The following CTNNA3 variants were observed in gnomAD, a reference collection of about 807,000 sequenced individuals.
CTNNA3 encodes catenin alpha 3, also known as catenin alpha-3.
A neutral mutation model predicts 95.7 loss-of-function variants in CTNNA3; 76 were observed. That is an observed-to-expected ratio of 0.79 (90% CI 0.66 to 0.96). The LOEUF is 0.96. CTNNA3 is among the 40% of genes least tolerant of loss of function. The pLI is 0.00. For missense variants in CTNNA3, 1,191 were observed against 1,089.8 expected (o/e 1.09, Z -1.31); for synonymous variants, 431 against 374.4 (o/e 1.15, Z -1.74).
chr10:67,750,679 G>C (rs765943242), intron 1 of CTNNA3: 59 of 1,548,268 alleles, frequency 3.8e-5, no homozygotes, highest in Non-Finnish European at 4.8e-5. Context: ...TAATATGATC[G>C]GTGGAAAAGC....
At chr10:67,280,809 T>A (rs1454479235) in intron 5 of CTNNA3, among the ~76,000 whole-genome samples, 3 of 152,138 alleles carry the variant, frequency 2.0e-5, no homozygotes, top group Non-Finnish European at 4.4e-5. Flanking sequence ...TTTCCTCCAT[T>A]TCCCTCCCCC....
chr10:67,033,374 C>T (rs765196122), intron 7 of CTNNA3, among the ~76,000 whole-genome samples: 1 of 152,096 alleles, frequency 6.6e-6, no homozygotes, highest in Non-Finnish European at 1.5e-5. Flanking sequence ...ACACAAATCT[C>T]GATGCTTCTC....
At chr10:67,091,955 T>G (rs1311770010) in intron 7 of CTNNA3, among the ~76,000 whole-genome samples, 1 of 152,070 alleles carries the variant, frequency 6.6e-6, no homozygotes, top group Non-Finnish European at 1.5e-5. Flanking sequence ...AATGCCTATT[T>G]CTTATTTTAT....
rs148278459 is a variant in CTNNA3 at position 66,481,461 on chromosome 10, C to CTT, written c.1531+39154_1531+39155dup. On this transcript the variant is annotated intron_variant, in intron 11 of 17. Coordinates refer to ENST00000433211, the MANE Select transcript of CTNNA3 (RefSeq NM_013266.4). ...AAGCAAAAACCTTATTCCCTTGTTT[C>CTT]TTTTTTTTTTTTTTTTTTTTTTTTT... is the stretch of plus-strand genomic sequence containing the variant. 4.6e-4 allele frequency among the ~76,000 whole-genome samples: 34 copies of CTT among 73,240 alleles called. 1 individual carries two copies. The highest frequency in any genetic ancestry group is 7.3e-4 in the Admixed American group (4 of 5,470). 48.0% of individuals were successfully genotyped at this position (73,240 alleles called of 152,430 possible).
chr10:66,978,098 T>C (rs778385806), intron 7 of CTNNA3, among the ~76,000 whole-genome samples: 1 of 151,540 alleles, frequency 6.6e-6, no homozygotes, highest in African/African-American at 2.4e-5. Flanking sequence ...ACACATGCGA[T>C]GACGTTCCTG....
intron 7 of CTNNA3, among the ~76,000 whole-genome samples, chr10:66,784,770 T>C (rs1840674727): frequency 6.6e-6 from 1 of 152,160 alleles, no homozygotes; most frequent in Admixed American, 6.6e-5. Context: ...TCAAAACATG[T>C]GGAGATTAGG....
At chr10:66,067,454 T>G (rs148333932) in intron 15 of CTNNA3, among the ~76,000 whole-genome samples, 61 of 152,320 alleles carry the variant, frequency 4.0e-4, no homozygotes, top group African/African-American at 1.4e-3. Context: ...TGTCCATACT[T>G]TATTGAACTT....
At chr10:65,966,300 C>T (rs1364361596) in intron 17 of CTNNA3, among the ~76,000 whole-genome samples, 4 of 152,156 alleles carry the variant, frequency 2.6e-5, no homozygotes, top group East Asian at 1.9e-4. Context: ...GGATTCATTC[C>T]GGAGTTCCAT....
intron 5 of CTNNA3, among the ~76,000 whole-genome samples, chr10:67,467,583 T>C (rs1432449011): frequency 6.6e-6 from 1 of 152,214 alleles, no homozygotes; most frequent in Non-Finnish European, 1.5e-5. Flanking sequence ...TCATTCTAAA[T>C]ACTCATTTAA....
intron 12 of CTNNA3, among the ~76,000 whole-genome samples, chr10:66,356,038 A>T (rs2092606207): frequency 6.7e-6 from 1 of 149,976 alleles, no homozygotes; most frequent in South Asian, 2.1e-4. Context: ...CTCTTTTGCA[A>T]ATATCACTCT....
chr10:66,344,989 T>C (rs2092492792), intron 12 of CTNNA3, among the ~76,000 whole-genome samples: 1 of 152,138 alleles, frequency 6.6e-6, no homozygotes, highest in East Asian at 1.9e-4. Flanking sequence ...TAAGGAAACA[T>C]ATTAAAAAGC....
chr10:66,078,991 C>A (rs928513887), intron 14 of CTNNA3: 1 of 151,834 alleles, frequency 6.6e-6, no homozygotes, highest in South Asian at 2.1e-4. Context: ...TGGAAGTAGA[C>A]AGAAGGTGTA....
At chr10:66,852,985 C>A (rs1843549663) in intron 7 of CTNNA3, among the ~76,000 whole-genome samples, 2 of 152,136 alleles carry the variant, frequency 1.3e-5, no homozygotes, top group South Asian at 4.1e-4. Flanking sequence ...AGAGGTCAGC[C>A]AATTATGTTT....
rs1019554417 is a variant in CTNNA3 at position 66,797,258 on chromosome 10, A to G, written c.1048-21734T>C. Among the ~76,000 whole-genome samples the G allele has an allele frequency of 1.1e-4, 16 of 151,974 alleles. 1 individual carries two copies. The highest frequency in any genetic ancestry group is 3.6e-4 in the African/African-American group (15 of 41,418). ...TCTGGAAAATAATTTAAATACATCA[A>G]CTAACACTTGCATGGTGCAAAATAC... is the stretch of plus-strand genomic sequence containing the variant. On this transcript the variant is annotated intron_variant, in intron 7 of 17. Transcript: ENST00000433211.
At chr10:66,082,489 G>A (rs180860977) in intron 14 of CTNNA3, among the ~76,000 whole-genome samples, 1 of 152,222 alleles carries the variant, frequency 6.6e-6, no homozygotes, top group East Asian at 1.9e-4. Flanking sequence ...ACTAGGAGAT[G>A]TAACAACTAA....
chr10:67,382,798 G>T (rs1371895291), intron 5 of CTNNA3, among the ~76,000 whole-genome samples: 2 of 152,172 alleles, frequency 1.3e-5, no homozygotes, highest in Non-Finnish European at 2.9e-5. Context: ...GGTAAAGGGG[G>T]AGCCAGCATA....
At chr10:67,253,168 T>A (rs1174790071) in intron 5 of CTNNA3, among the ~76,000 whole-genome samples, 1 of 152,146 alleles carries the variant, frequency 6.6e-6, no homozygotes, top group African/African-American at 2.4e-5. Flanking sequence ...AATGCTGCAA[T>A]ACTGTGATAG....
intron 7 of CTNNA3, among the ~76,000 whole-genome samples, chr10:67,121,891 A>AC (rs890002673): frequency 7.9e-5 from 12 of 151,044 alleles, no homozygotes; most frequent in African/African-American, 2.2e-4. Context: ...AGAGGTAAAA[A>AC]ATCTGAATTT....
chr10:66,725,662 A>G (rs3998956), intron 9 of CTNNA3, among the ~76,000 whole-genome samples: 138,449 of 152,118 alleles, frequency 0.91, 63,203 homozygotes, highest in East Asian at 1. Context: ...GTTGTTCACC[A>G]TGGCAGATAT....
Sources: gnomAD v4.1 joint callset for allele counts (sites outside exome capture counted in the v4.1 genomes callset) on GRCh38, gnomAD v4.1.1 for gene constraint, MANE v1.5 for transcripts, NCBI Gene and HGNC (gene_info 2026-07-23, HGNC 2026-07-21) for gene names.